Variants in IKZF3 observed in about 807,000 individuals in gnomAD.
IKZF3 encodes the protein zinc finger protein Aiolos.
Under a neutral mutation model 49.0 loss-of-function variants are expected in IKZF3, and 10 were observed. The observed-to-expected ratio is 0.20, with a 90% CI of 0.13 to 0.35. The LOEUF (loss-of-function observed/expected upper bound fraction) is 0.35. Ranked by LOEUF, IKZF3 falls within the 10% of genes least tolerant of loss-of-function variation. The probability of loss-of-function intolerance (pLI) is 1.00; values close to 1 mark genes in which losing one functional copy is unlikely to be tolerated. For synonymous variants in IKZF3, 209 were observed against 228.2 expected (o/e 0.92, Z 0.76); for missense variants, 498 against 664.8 (o/e 0.75, Z 2.76).
intron 6 of IKZF3, among the ~76,000 whole-genome samples, chr17:39,781,748 G>T (rs762970746): frequency 6.6e-6 from 1 of 152,194 alleles, no homozygotes; most frequent in Non-Finnish European, 1.5e-5. Context: ...AATTAGGGCA[G>T]GTCACTAAAT....
rs144075542 is a variant in IKZF3, at chr17:39,801,500, T to C, written c.164-8567A>G. ...ACTAAAGAGCAAAATGGGAAATATA[T>C]GTATTGTAGGTATTCAGTCTACAAA... is the stretch of plus-strand genomic sequence containing the variant. On this transcript the variant is annotated intron_variant, in intron 3 of 7. Coordinates refer to ENST00000346872, the MANE Select transcript of IKZF3 (RefSeq NM_012481.5). Among the ~76,000 whole-genome samples, 440 of 152,258 alleles carry C rather than the reference T, an allele frequency of 2.9e-3. 6 individuals carry two copies. Among genetic ancestry groups the C allele is most frequent in the African/African-American group, 0.01 (422 of 41,528 alleles).
At chr17:39,813,634 TAA>T (rs796937179) in intron 3 of IKZF3, among the ~76,000 whole-genome samples, 4 of 142,372 alleles carry the variant, frequency 2.8e-5, no homozygotes, top group African/African-American at 2.6e-5. Flanking sequence ...ACAGCGTGAT[TAA>T]AAAAAAAAAA....
At chr17:39,821,064 C>T (rs1367027619) in intron 3 of IKZF3, among the ~76,000 whole-genome samples, 1 of 151,950 alleles carries the variant, frequency 6.6e-6, no homozygotes, top group African/African-American at 2.4e-5. Context: ...TTTTTGAGCT[C>T]TGTGGGTCAT....
chr17:39,827,691 C>T (rs1046090836), intron 3 of IKZF3, among the ~76,000 whole-genome samples: 2 of 152,102 alleles, frequency 1.3e-5, no homozygotes, highest in Non-Finnish European at 2.9e-5. Flanking sequence ...GTCAGTACCA[C>T]GAAAGAACCA....
intron 1 of IKZF3, among the ~76,000 whole-genome samples, chr17:39,842,035 C>CAAAAAAAAAAAAAAAAAAAAAA (rs1289548051): frequency 4.4e-5 from 1 of 22,984 alleles, no homozygotes; most frequent in Non-Finnish European, 9.5e-5. Flanking sequence ...GACAACAAAG[C>CAAAAAAAAAAAAAAAAAAAAAA]AAAAAAAAAA....
At chr17:39,785,573 G>T (rs2060854198) in intron 6 of IKZF3, among the ~76,000 whole-genome samples, 2 of 152,084 alleles carry the variant, frequency 1.3e-5, no homozygotes, top group Non-Finnish European at 2.9e-5. Flanking sequence ...AGAATGGGAA[G>T]TAAGGTGGTG....
intron 3 of IKZF3, among the ~76,000 whole-genome samples, chr17:39,793,940 A>G (rs2061097027): frequency 6.6e-6 from 1 of 152,254 alleles, no homozygotes. Context: ...AATTTGCCTG[A>G]TGTAAGAATA....
intron 2 of IKZF3, among the ~76,000 whole-genome samples, chr17:39,830,746 C>T (rs953267618): frequency 6.6e-6 from 1 of 152,168 alleles, no homozygotes; most frequent in African/African-American, 2.4e-5. Flanking sequence ...AAAAAATAGT[C>T]AAAGACACTG....
rs375655456 is a variant in IKZF3, at chr17:39,831,322, C to T, written c.61+776G>A. 2.8e-4 allele frequency among the ~76,000 whole-genome samples: 42 copies of T among 150,126 alleles called. No homozygotes were observed. The South Asian group carries it at 3.2e-3, about 11-fold the overall frequency. ...CCGGGAGGCTAAGGTTGTGGTGAGCCGAGATCACACCATCGTACTTCAGCC... is the reference window on the plus strand; with the variant it reads ...CCGGGAGGCTAAGGTTGTGGTGAGCTGAGATCACACCATCGTACTTCAGCC... On this transcript the variant is annotated intron_variant, in intron 2 of 7. Coordinates refer to ENST00000346872, the MANE Select transcript of IKZF3 (RefSeq NM_012481.5).
At chr17:39,788,217 G>A (rs773552100) in intron 6 of IKZF3, 41 bp downstream of exon 6, 8 of 1,207,208 alleles carry the variant, frequency 6.6e-6, no homozygotes, top group Non-Finnish European at 9.8e-6. Flanking sequence ...TCACCACCTA[G>A]GACAGCAGAT....
chr17:39,786,044 G>C (rs778643908), intron 6 of IKZF3, among the ~76,000 whole-genome samples: 1 of 152,192 alleles, frequency 6.6e-6, no homozygotes, highest in Non-Finnish European at 1.5e-5. Context: ...TGGCTGCCAG[G>C]AGCTAGAGGA....
At chr17:39,772,944 T>C (rs1338737922) in intron 7 of IKZF3, among the ~76,000 whole-genome samples, 5 of 152,114 alleles carry the variant, frequency 3.3e-5, no homozygotes, top group Admixed American at 2.0e-4. Flanking sequence ...GCCTCCCAAA[T>C]AGTTGGGATT....
chr17:39,778,297 CT>C, intron 6 of IKZF3: 1 of 466,094 alleles, frequency 2.1e-6, no homozygotes, highest in East Asian at 1.5e-4. Context: ...TGGTTTCTTT[CT>C]TTTTCTTTTT....
rs2060165475 is a variant in IKZF3 at position 39,760,781 on chromosome 17, T to C, written c.*5009A>G. ...GCCGAAAAGAAAAACTTTATGTGGA[T>C]GTGAGATTTGATAGTAACACAGTGT... On this transcript the variant is annotated 3_prime_UTR_variant, in exon 8 of 8. Transcript: ENST00000346872. 6.6e-6 allele frequency: 1 copy of C among 152,260 alleles called. No individual in the cohort carries two copies. Among genetic ancestry groups the C allele is most frequent in the Non-Finnish European group, 1.5e-5 (1 of 68,044 alleles). The allele number at this position is 152,260 out of a possible 1,614,324, so 9.4% of individuals were successfully genotyped here.
At chr17:39,809,714 A>G (rs1376138007) in intron 3 of IKZF3, among the ~76,000 whole-genome samples, 1 of 152,220 alleles carries the variant, frequency 6.6e-6, no homozygotes, top group African/African-American at 2.4e-5. Context: ...TTTTCTATGG[A>G]TGAAGCACCT....
chr17:39,806,876 T>C (rs1375686388), intron 3 of IKZF3, among the ~76,000 whole-genome samples: 1 of 152,228 alleles, frequency 6.6e-6, no homozygotes, highest in Admixed American at 6.5e-5. Context: ...GTGGTGTTTC[T>C]TGCAAGCTTC....
At chr17:39,841,607 A>C (rs932060442) in intron 1 of IKZF3, among the ~76,000 whole-genome samples, 3 of 152,132 alleles carry the variant, frequency 2.0e-5, no homozygotes, top group Non-Finnish European at 4.4e-5. Context: ...TGTATTACAT[A>C]GTGGAGGAAT....
intron 7 of IKZF3, among the ~76,000 whole-genome samples, chr17:39,774,474 C>A (rs1228608373): frequency 2.6e-5 from 4 of 152,048 alleles, no homozygotes; most frequent in East Asian, 1.9e-4. Flanking sequence ...AAAACAGTAG[C>A]CCCATGTTTT....
intron 1 of IKZF3, among the ~76,000 whole-genome samples, chr17:39,849,512 A>T (rs181702291): frequency 5.9e-5 from 9 of 152,270 alleles, no homozygotes; most frequent in Admixed American, 2.6e-4. Context: ...CACAAAAATT[A>T]GCCAGGTGGG....
Sources: gnomAD v4.1 joint callset for allele counts (sites outside exome capture counted in the v4.1 genomes callset) on GRCh38, gnomAD v4.1.1 for gene constraint, MANE v1.5 for transcripts, NCBI Gene and HGNC (gene_info 2026-07-23, HGNC 2026-07-21) for gene names.